MAD1L1: variants seen among roughly 807,000 people sequenced by gnomAD.
The protein encoded by MAD1L1 is mitotic spindle assembly checkpoint protein MAD1.
MAD1L1 carries 95 observed loss-of-function variants against 96.9 expected under a neutral mutation model. That is an observed-to-expected ratio of 0.98 (90% confidence interval 0.83 to 1.16). The LOEUF is 1.16. Ranked by LOEUF, MAD1L1 falls within the 50% of genes most tolerant of loss-of-function variation. The pLI is 0.00. For synonymous variants in MAD1L1, 473 were observed against 396.6 expected (o/e 1.19, Z -2.29); for missense variants, 1,007 against 954.4 (o/e 1.06, Z -0.73).
chr7:2,218,246 CCT>C (rs1793399999), intron 6 of MAD1L1, among the ~76,000 whole-genome samples: 1 of 152,122 alleles, frequency 6.6e-6, no homozygotes, highest in South Asian at 2.1e-4. Flanking sequence ...GGCCCCAGCC[CCT>C]GTGGGCTGGC....
intron 15 of MAD1L1, among the ~76,000 whole-genome samples, chr7:1,974,284 C>T (rs890199100): frequency 6.6e-6 from 1 of 152,236 alleles, no homozygotes; most frequent in African/African-American, 2.4e-5. Context: ...AAGCACAGGG[C>T]AAACCCACCC....
At chr7:2,038,842 C>T (rs1423079027) in intron 12 of MAD1L1, among the ~76,000 whole-genome samples, 3 of 152,028 alleles carry the variant, frequency 2.0e-5, no homozygotes, top group Non-Finnish European at 4.4e-5. Flanking sequence ...GATCCAATTA[C>T]AGATTCACTT....
chr7:1,823,554 T>C (rs1782237657), intron 18 of MAD1L1, among the ~76,000 whole-genome samples: 2 of 152,238 alleles, frequency 1.3e-5, no homozygotes, highest in South Asian at 2.1e-4. Flanking sequence ...GACTGCAGCG[T>C]CTTAACCCCA....
chr7:2,217,633 G>A (rs1299249213), intron 7 of MAD1L1, among the ~76,000 whole-genome samples: 1 of 152,258 alleles, frequency 6.6e-6, no homozygotes, highest in African/African-American at 2.4e-5. Context: ...AGCTCCAGCT[G>A]TGCAACTGTG....
At chr7:1,823,512 C>G (rs549268540) in intron 18 of MAD1L1, among the ~76,000 whole-genome samples, 2 of 152,192 alleles carry the variant, frequency 1.3e-5, no homozygotes, top group East Asian at 3.8e-4. Context: ...TAGAACGCCA[C>G]GGCCACAGGG....
At chr7:2,150,564 C>CCCCCACGCCCCTCGCCAT (rs1789524406) in intron 10 of MAD1L1, among the ~76,000 whole-genome samples, 1 of 152,210 alleles carries the variant, frequency 6.6e-6, no homozygotes, top group Admixed American at 6.5e-5. Flanking sequence ...TCTCTGGCCA[C>CCCCCACGCCCCTCGCCAT]CCCCACGCCC....
At chr7:1,913,763 G>A (rs1021614008) in intron 17 of MAD1L1, among the ~76,000 whole-genome samples, 5 of 152,176 alleles carry the variant, frequency 3.3e-5, no homozygotes, top group African/African-American at 9.7e-5. Flanking sequence ...AGAGCCACTG[G>A]GGCTGCAATG....
chr7:2,161,772 T>C (rs905449449), intron 10 of MAD1L1, among the ~76,000 whole-genome samples: 1 of 145,924 alleles, frequency 6.9e-6, no homozygotes, highest in Non-Finnish European at 1.5e-5. Flanking sequence ...ATCTGGGAAC[T>C]GAGGAGTGCC....
intron 5 of MAD1L1, among the ~76,000 whole-genome samples, chr7:2,221,316 G>C (rs1793596113): frequency 6.6e-6 from 1 of 152,134 alleles, no homozygotes; most frequent in Non-Finnish European, 1.5e-5. Context: ...ATGGGAACTG[G>C]AACCCAGAGC....
intron 15 of MAD1L1, among the ~76,000 whole-genome samples, chr7:1,974,776 A>G (rs1780558648): frequency 6.6e-6 from 1 of 152,280 alleles, no homozygotes; most frequent in Non-Finnish European, 1.5e-5. Flanking sequence ...AGACGCCAGA[A>G]GGAAAGGCCT....
intron 18 of MAD1L1, among the ~76,000 whole-genome samples, chr7:1,830,254 A>AGG (rs1408037155): frequency 3.1e-4 from 47 of 152,206 alleles, no homozygotes; most frequent in Non-Finnish European, 5.9e-4. Flanking sequence ...AAAATTGGCC[A>AGG]CGTGCAGTGG....
rs971692328 is a variant in MAD1L1, at chr7:1,936,716, G to A, written c.1778C>T (p.Ala593Val). The change falls in exon 17 of 19, where the codon GCG (alanine) becomes GTG (valine). Residue 593 changes from alanine (A) to valine (V), a missense_variant. Physicochemically the swap from Ala to Val is moderately conservative, Grantham distance 64. Transcript: ENST00000265854. ...TVPADLEAAA[A>V]SLPSSKEVAE... The stretch of plus-strand genomic sequence containing the variant: ...CACCTCCTTGGACGATGGCAGACTC[G>A]CGGCGGCAGCCTCAAGGTCGGCTGG... 9.0e-6 allele frequency: 14 copies of A among 1,558,918 alleles called. No homozygotes were observed. In the African/African-American group the frequency reaches 1.4e-4, roughly 15 times the overall value.
intron 11 of MAD1L1, among the ~76,000 whole-genome samples, chr7:2,132,333 T>G (rs533623029): frequency 3.1e-4 from 47 of 152,324 alleles, no homozygotes; most frequent in Non-Finnish European, 6.2e-4. Flanking sequence ...TGTCATGTCT[T>G]ACATTCTCGG....
chr7:2,203,025 C>T (rs1264029970), intron 10 of MAD1L1, among the ~76,000 whole-genome samples: 2 of 152,194 alleles, frequency 1.3e-5, no homozygotes, highest in African/African-American at 2.4e-5. Flanking sequence ...CAGCAATGCC[C>T]GCCTCCCACC....
chr7:1,891,427 G>A (rs1435672003), intron 18 of MAD1L1, among the ~76,000 whole-genome samples: 10 of 152,288 alleles, frequency 6.6e-5, no homozygotes. Flanking sequence ...TCAGGAGGCT[G>A]AGGGAGGAGA....
chr7:2,018,182 CCCA>C (rs1322945573), intron 12 of MAD1L1, among the ~76,000 whole-genome samples: 1 of 152,176 alleles, frequency 6.6e-6, no homozygotes, highest in Non-Finnish European at 1.5e-5. Flanking sequence ...CCCAACGAAG[CCCA>C]CATCCTGCCT....
At chr7:1,969,522 CAA>C (rs1780315220) in intron 15 of MAD1L1, among the ~76,000 whole-genome samples, 1 of 152,118 alleles carries the variant, frequency 6.6e-6, no homozygotes, top group African/African-American at 2.4e-5. Context: ...ATAGCCAGAA[CAA>C]TTAGTCAAGA....
intron 14 of MAD1L1, among the ~76,000 whole-genome samples, chr7:1,988,206 C>T (rs1781248613): frequency 6.6e-6 from 1 of 152,194 alleles, no homozygotes; most frequent in Non-Finnish European, 1.5e-5. Context: ...CTGAACGCTT[C>T]CTGACATGGC....
At chr7:1,822,443 T>TG (rs57772706) in intron 18 of MAD1L1, among the ~76,000 whole-genome samples, 1 of 105,440 alleles carries the variant, frequency 9.5e-6, no homozygotes, top group African/African-American at 3.2e-5. Context: ...TATATATATA[T>TG]TTTTTTTTTT....
Sources: gnomAD v4.1 joint callset for allele counts (sites outside exome capture counted in the v4.1 genomes callset) on GRCh38, gnomAD v4.1.1 for gene constraint, MANE v1.5 for transcripts, NCBI Gene and HGNC (gene_info 2026-07-23, HGNC 2026-07-21) for gene names.